The following CAMTA1 variants were observed in gnomAD, a reference collection of about 807,000 sequenced individuals.
CAMTA1 encodes the protein calmodulin binding transcription activator 1, also known as calmodulin-binding transcription activator 1.
A neutral mutation model predicts 170.9 loss-of-function variants in CAMTA1; 27 were observed. The ratio of observed to expected loss-of-function variants is 0.16; its 90% CI spans 0.12 to 0.22. The LOEUF (loss-of-function observed/expected upper bound fraction) is 0.22. Ranked by LOEUF, CAMTA1 falls within the 10% of genes least tolerant of loss-of-function variation. The pLI, the probability that CAMTA1 is intolerant of heterozygous loss-of-function variation, is 1.00. For missense variants in CAMTA1, 1,619 were observed against 2,217.2 expected (o/e 0.73, Z 5.42); for synonymous variants, 833 against 891.5 (o/e 0.93, Z 1.17).
intron 4 of CAMTA1, among the ~76,000 whole-genome samples, chr1:7,240,809 A>G (rs1417597209): frequency 6.6e-6 from 1 of 152,120 alleles, no homozygotes; most frequent in Non-Finnish European, 1.5e-5. Flanking sequence ...CCTGGTCTGG[A>G]GTCCTTTTCA....
At chr1:7,515,182 CA>C (rs2094266264) in intron 6 of CAMTA1, among the ~76,000 whole-genome samples, 1 of 152,164 alleles carries the variant, frequency 6.6e-6, no homozygotes, top group Non-Finnish European at 1.5e-5. Context: ...CTGGGATCAT[CA>C]GGCTGGTCCT....
At chr1:7,262,893 C>G (rs575643779) in intron 5 of CAMTA1, among the ~76,000 whole-genome samples, 11 of 152,176 alleles carry the variant, frequency 7.2e-5, no homozygotes, top group African/African-American at 2.7e-4. Flanking sequence ...TGAGCAGATG[C>G]GTGTGTTGAC....
chr1:7,310,608 C>CG (rs1676336823), intron 5 of CAMTA1, among the ~76,000 whole-genome samples: 1 of 10,616 alleles, frequency 9.4e-5, no homozygotes, highest in South Asian at 7.1e-3. Context: ...TCTTTTCTTT[C>CG]TTTCTTTCTT....
intron 4 of CAMTA1, among the ~76,000 whole-genome samples, chr1:7,110,268 A>G (rs1573132528): frequency 6.7e-6 from 1 of 148,252 alleles, no homozygotes; most frequent in African/African-American, 2.5e-5. Context: ...AATTTTCAGC[A>G]CCCCCCTTCC....
chr1:7,573,261 C>G (rs919201940), intron 6 of CAMTA1, among the ~76,000 whole-genome samples: 1 of 152,166 alleles, frequency 6.6e-6, no homozygotes, highest in African/African-American at 2.4e-5. Flanking sequence ...CAGCTGGGCA[C>G]ACCATGGAGT....
intron 5 of CAMTA1, among the ~76,000 whole-genome samples, chr1:7,291,448 A>G: frequency 6.6e-6 from 1 of 152,190 alleles, no homozygotes; most frequent in East Asian, 1.9e-4. Context: ...TTGTTCAGAG[A>G]TGAATGTTAA....
Position 7,299,856 on chromosome 1 carries a change from G to C in CAMTA1, c.438+50230G>C, listed in dbSNP as rs1273415152. On this transcript the variant is annotated intron_variant, in intron 5 of 22. Coordinates refer to ENST00000303635, the MANE Select transcript of CAMTA1 (RefSeq NM_015215.4). The surrounding 1 kb of genome is among the most constrained non-coding windows in gnomAD (Gnocchi z 4.7). The stretch of plus-strand genomic sequence containing the variant: ...CTCAGTTTTATAGGACCTTGTGTAA[G>C]AATAAGCAATACAAAATAAGGAACA... Among the ~76,000 whole-genome samples, 7 of 152,186 alleles carry C rather than the reference G, an allele frequency of 4.6e-5. No homozygotes were observed. Among genetic ancestry groups the C allele is most frequent in the African/African-American group, 1.7e-4 (7 of 41,436 alleles).
intron 5 of CAMTA1, among the ~76,000 whole-genome samples, chr1:7,465,489 A>G (rs183224294): frequency 2.0e-4 from 21 of 105,992 alleles, no homozygotes; most frequent in Admixed American, 1.7e-3. Flanking sequence ...TCATCCAAGG[A>G]GACCAGGGGC....
At chr1:7,590,270 G>A (rs1181220662) in intron 6 of CAMTA1, among the ~76,000 whole-genome samples, 1 of 152,212 alleles carries the variant, frequency 6.6e-6, no homozygotes, top group African/African-American at 2.4e-5. Flanking sequence ...TCCCTGGCCA[G>A]GGCTGATCCT....
intron 6 of CAMTA1, among the ~76,000 whole-genome samples, chr1:7,574,245 G>A (rs1200757309): frequency 2.0e-5 from 3 of 152,106 alleles, no homozygotes; most frequent in Non-Finnish European, 4.4e-5. Flanking sequence ...TGGGAGCTGC[G>A]AGCTGGTCCT....
intron 3 of CAMTA1, among the ~76,000 whole-genome samples, chr1:7,005,549 C>T (rs1371906333): frequency 6.6e-6 from 1 of 152,046 alleles, no homozygotes; most frequent in South Asian, 2.1e-4. Context: ...AGGATGTGCT[C>T]GTGGGTGAGA....
chr1:6,844,454 T>A (rs180710854), intron 3 of CAMTA1, among the ~76,000 whole-genome samples: 48 of 144,366 alleles, frequency 3.3e-4, no homozygotes, highest in African/African-American at 1.2e-3. Context: ...AGGCAGATGC[T>A]GGAGCCCAGG....
At chr1:6,830,184 C>A (rs1382818823) in intron 3 of CAMTA1, among the ~76,000 whole-genome samples, 1 of 151,360 alleles carries the variant, frequency 6.6e-6, no homozygotes, top group Non-Finnish European at 1.5e-5. Context: ...CTACAGGCGC[C>A]CACCACCATG....
At chr1:6,940,604 G>A (rs1686275782) in intron 3 of CAMTA1, among the ~76,000 whole-genome samples, 1 of 152,184 alleles carries the variant, frequency 6.6e-6, no homozygotes, top group Non-Finnish European at 1.5e-5. Flanking sequence ...TGGGGACCTA[G>A]TGCCAGGCTA....
chr1:7,583,406 G>A (rs2095278843), intron 6 of CAMTA1, among the ~76,000 whole-genome samples: 1 of 152,164 alleles, frequency 6.6e-6, no homozygotes, highest in Non-Finnish European at 1.5e-5. Flanking sequence ...AGGAAGCAGA[G>A]CTGGGGCCAG....
chr1:6,902,413 G>T (rs1488955803), intron 3 of CAMTA1, among the ~76,000 whole-genome samples: 2 of 152,172 alleles, frequency 1.3e-5, no homozygotes, highest in Non-Finnish European at 2.9e-5. Flanking sequence ...ACATGGACGA[G>T]TCTCGAATGC....
chr1:6,904,948 C>T (rs1159646948), intron 3 of CAMTA1, among the ~76,000 whole-genome samples: 1 of 151,866 alleles, frequency 6.6e-6, no homozygotes, highest in Non-Finnish European at 1.5e-5. Context: ...GTGTCCAAAG[C>T]CAAACATTCT....
chr1:7,543,080 G>A (rs2094637482), intron 6 of CAMTA1, among the ~76,000 whole-genome samples: 1 of 152,046 alleles, frequency 6.6e-6, no homozygotes, highest in Non-Finnish European at 1.5e-5. Context: ...TGTTAGCCAG[G>A]ATGGTCTCGA....
chr1:7,074,440 A>G (rs1338464668), intron 3 of CAMTA1, among the ~76,000 whole-genome samples: 1 of 152,266 alleles, frequency 6.6e-6, no homozygotes, highest in Non-Finnish European at 1.5e-5. Flanking sequence ...TATGCAGAAA[A>G]GAAATTTATC....
Sources: allele counts gnomAD v4.1 joint callset (sites outside exome capture counted in the v4.1 genomes callset), GRCh38; gene constraint gnomAD v4.1.1; non-coding constraint Gnocchi (gnomAD v3.1); transcripts MANE v1.5; gene names NCBI Gene and HGNC (gene_info 2026-07-23, HGNC 2026-07-21).